PCDHA7: variants seen among roughly 807,000 people sequenced by gnomAD.
PCDHA7 encodes the protein protocadherin alpha 7.
PCDHA7 carries 37 observed loss-of-function variants against 57.2 expected under a neutral mutation model. That is an observed-to-expected ratio of 0.65 (90% CI 0.50 to 0.85). The LOEUF is 0.85. Ranked by LOEUF, PCDHA7 falls within the 40% of genes least tolerant of loss-of-function variation. PCDHA7 has a pLI of 0.00. For missense variants in PCDHA7, 1,188 were observed against 1,241.8 expected, an observed-to-expected ratio of 0.96 and a Z score of 0.65; for synonymous variants, 553 against 558.8, an observed-to-expected ratio of 0.99 and a Z score of 0.15.
Position 140,847,574 on chromosome 5 carries a change from G to T in PCDHA7, c.2355+10836G>T, listed in dbSNP as rs1038933297. 2 of 149,278 alleles carry T rather than the reference G, an allele frequency of 1.3e-5. 1 individual carries two copies. The highest frequency in any genetic ancestry group is 3.0e-5 in the Non-Finnish European group (2 of 66,762). The allele number at this position is 149,278 out of a possible 1,614,324, so 9.2% of individuals were successfully genotyped here. On this transcript the variant is annotated intron_variant, in intron 1 of 3. Coordinates refer to ENST00000525929, the MANE Select transcript of PCDHA7 (RefSeq NM_018910.3). The stretch of plus-strand genomic sequence containing the variant: ...AACAGAAATTGCCCCGAGTACTAAG[G>T]ATGAGCAATAATGAAATTAAAACAT...
chr5:140,931,175 G>A (rs1321525314), intron 1 of PCDHA7, among the ~76,000 whole-genome samples: 2 of 152,138 alleles, frequency 1.3e-5, no homozygotes, highest in Non-Finnish European at 2.9e-5. Flanking sequence ...TAATTTTAGG[G>A]AAGGAAATTG....
intron 3 of PCDHA7, among the ~76,000 whole-genome samples, chr5:141,001,760 G>A (rs2098035777): frequency 6.6e-6 from 1 of 152,146 alleles, no homozygotes; most frequent in South Asian, 2.1e-4. Flanking sequence ...GGTTGATGGC[G>A]GATGGTTTTT....
At chr5:140,896,033 A>G (rs994719566) in intron 1 of PCDHA7, among the ~76,000 whole-genome samples, 2 of 151,874 alleles carry the variant, frequency 1.3e-5, no homozygotes, top group East Asian at 1.9e-4. Flanking sequence ...CTGGTCTCGA[A>G]CTCCTGACCT....
At chr5:140,928,227 T>G (rs781923359) in intron 1 of PCDHA7, 2 of 1,614,198 alleles carry the variant, frequency 1.2e-6, no homozygotes, top group South Asian at 2.2e-5. Context: ...CACCAAACTT[T>G]CCTCAACCCC....
chr5:140,897,947 T>A (rs1276045551), intron 1 of PCDHA7, among the ~76,000 whole-genome samples: 1 of 152,168 alleles, frequency 6.6e-6, no homozygotes, highest in Non-Finnish European at 1.5e-5. Context: ...CAGTGATGAT[T>A]AGCATTTTTT....
chr5:140,985,139 G>A (rs782548607), intron 3 of PCDHA7, among the ~76,000 whole-genome samples: 6 of 152,126 alleles, frequency 3.9e-5, no homozygotes, highest in South Asian at 2.1e-4. Flanking sequence ...GGGTTTCACC[G>A]TGTTAGCCAG....
rs1774343401 is a variant in PCDHA7 at position 140,836,291 on chromosome 5, C to G, written c.1908C>G (p.Ala636=). ...CTGGTGAGATCAGCACGACACGAGCCCTAGATGAGACGGACGCACCGCGCC... is the reference window on the plus strand; with the variant it reads ...CTGGTGAGATCAGCACGACACGAGCGCTAGATGAGACGGACGCACCGCGCC... ...LYTGEISTTR[A]LDETDAPRHR... is the part of the protein sequence containing the mutation. The change falls in exon 1 of 4, where the codon GCC becomes GCG. Residue 636 remains alanine, a synonymous_variant. Transcript: ENST00000525929. The G allele has an allele frequency of 1.2e-6, 2 of 1,613,720 alleles. No homozygotes were observed.
intron 1 of PCDHA7, chr5:140,851,996 G>C: frequency 1.0e-6 from 1 of 976,024 alleles, no homozygotes; most frequent in Non-Finnish European, 1.2e-6. Flanking sequence ...CTATTTGTTT[G>C]TTTTCTAATT....
At chr5:140,867,469 T>C (rs895909736) in intron 1 of PCDHA7, 2 of 152,068 alleles carry the variant, frequency 1.3e-5, no homozygotes, top group Non-Finnish European at 2.9e-5. Context: ...TATGACAACA[T>C]TGGGAAAAGA....
intron 1 of PCDHA7, among the ~76,000 whole-genome samples, chr5:140,977,658 T>C (rs1332848343): frequency 6.6e-6 from 1 of 152,192 alleles, no homozygotes; most frequent in African/African-American, 2.4e-5. Context: ...TTTGGCTAAT[T>C]CTCTGCATGC....
intron 1 of PCDHA7, chr5:140,875,641 G>A (rs782380583): frequency 6.2e-7 from 1 of 1,613,690 alleles, no homozygotes; most frequent in South Asian, 1.1e-5. Flanking sequence ...GCTGGAGCTG[G>A]CGGAGCTGGT....
intron 1 of PCDHA7, among the ~76,000 whole-genome samples, chr5:140,944,656 C>A (rs782213712): frequency 1.3e-5 from 2 of 152,016 alleles, no homozygotes; most frequent in Admixed American, 6.6e-5. Flanking sequence ...GAGTCCATAC[C>A]CCTTATTTAT....
chr5:140,882,608 C>T (rs748674238), intron 1 of PCDHA7: 20 of 1,614,132 alleles, frequency 1.2e-5, no homozygotes, highest in Non-Finnish European at 1.7e-5. Flanking sequence ...GGACAGGCCT[C>T]TGCAGGTTTT....
At chr5:140,890,995 AATTATTG>A (rs2062893933) in intron 1 of PCDHA7, among the ~76,000 whole-genome samples, 1 of 152,138 alleles carries the variant, frequency 6.6e-6, no homozygotes, top group Non-Finnish European at 1.5e-5. Context: ...ATTTCATCAT[AATTATTG>A]AAAAGCATTT....
At chr5:140,876,298 G>T (rs1469744425) in intron 1 of PCDHA7, 3 of 1,613,970 alleles carry the variant, frequency 1.9e-6, no homozygotes, top group Non-Finnish European at 1.7e-6. Context: ...ACTTAATGGA[G>T]AAATTTCCTA....
intron 1 of PCDHA7, among the ~76,000 whole-genome samples, chr5:140,959,972 AAAG>A (rs1460302752): frequency 2.0e-5 from 3 of 152,328 alleles, no homozygotes; most frequent in South Asian, 4.1e-4. Flanking sequence ...GATGTTACTG[AAAG>A]AAGAAGTTGG....
At chr5:140,863,771 G>A (rs557463364) in intron 1 of PCDHA7, 111 of 240,518 alleles carry the variant, frequency 4.6e-4, no homozygotes, top group Non-Finnish European at 7.8e-4. Context: ...AGCCGAGGCG[G>A]GCGGATCACT....
intron 1 of PCDHA7, chr5:140,967,005 A>G: frequency 1.2e-6 from 2 of 1,605,512 alleles, no homozygotes; most frequent in African/African-American, 1.3e-5. Flanking sequence ...TTGCGCATCA[A>G]CCATCTGGGT....
chr5:140,836,178 G>A lies in PCDHA7; in HGVS notation c.1795G>A (p.Ala599Thr). The change falls in exon 1 of 4, where the codon GCT (alanine) becomes ACT (threonine). Residue 599 changes from alanine to threonine, a missense_variant. Coordinates refer to ENST00000525929, the MANE Select transcript of PCDHA7 (RefSeq NM_018910.3). ...GGTGGCGAAGGTACGTGCAGTTGAC[G>A]CTGACTCAGGCTACAACGCGTGGCT... ...HVVAKVRAVDADSGYNAWLSY... is the reference protein window; with the variant it reads ...HVVAKVRAVDTDSGYNAWLSY... 1 of 1,613,826 alleles carries A rather than the reference G, an allele frequency of 6.2e-7. No homozygotes were observed. Among genetic ancestry groups the A allele is most frequent in the Non-Finnish European group, 8.5e-7 (1 of 1,179,806 alleles).
Sources: allele counts gnomAD v4.1 joint callset (sites outside exome capture counted in the v4.1 genomes callset), GRCh38; gene constraint gnomAD v4.1.1; transcripts MANE v1.5; gene names NCBI Gene and HGNC (gene_info 2026-07-23, HGNC 2026-07-21).